Variants in RBFOX3 observed in about 807,000 individuals in gnomAD.
RBFOX3 encodes the protein RNA binding fox-1 homolog 3.
Under a neutral mutation model 48.7 loss-of-function variants are expected in RBFOX3, and 17 were observed. The observed-to-expected ratio is 0.35, with a 90% confidence interval of 0.24 to 0.52. The LOEUF is 0.52. RBFOX3 is among the 20% of genes least tolerant of loss of function. The probability of loss-of-function intolerance (pLI) is 0.94; values close to 1 mark genes in which losing one functional copy is unlikely to be tolerated. For missense variants in RBFOX3, 382 were observed against 497.5 expected, an observed-to-expected ratio of 0.77 and a Z score of 2.21; for synonymous variants, 212 against 209.5, an observed-to-expected ratio of 1.01 and a Z score of -0.10.
chr17:79,408,425 C>T lies in RBFOX3; in HGVS notation c.-175+74029G>A, dbSNP rs566374533. Among the ~76,000 whole-genome samples the T allele has an allele frequency of 7.9e-5, 12 of 152,286 alleles. No homozygotes were observed. In the South Asian group the frequency reaches 1.9e-3, roughly 24 times the overall value. ...AAGCAGAAAAGGCTGGAGCAACCAGCGGGCAATGAGATCTGAGCAGGATGG... is the reference window on the plus strand; with the variant it reads ...AAGCAGAAAAGGCTGGAGCAACCAGTGGGCAATGAGATCTGAGCAGGATGG... On this transcript the variant is annotated intron_variant, in intron 2 of 14. Coordinates refer to ENST00000693108, the MANE Select transcript of RBFOX3 (RefSeq NM_001350451.2).
chr17:79,656,348 T>C, the RBFOX3 span, among the ~76,000 whole-genome samples: 1 of 152,196 alleles, frequency 6.6e-6, no homozygotes, highest in African/African-American at 2.4e-5. Flanking sequence ...GCACGGTGGC[T>C]CACACCTGTA....
At chr17:79,487,785 C>G (rs1459946943) in intron 1 of RBFOX3, among the ~76,000 whole-genome samples, 1 of 151,844 alleles carries the variant, frequency 6.6e-6, no homozygotes, top group Non-Finnish European at 1.5e-5. Context: ...GTGGCAGGCG[C>G]CTGTAGTCCC....
chr17:79,090,579 C>T lies in RBFOX3; in HGVS notation c.*304G>A. ...CCCCCACGGGTCCCACAAGGGAGGC[C>T]CCTTCCCCTCCAACTCCCCCACTGC... is the stretch of plus-strand genomic sequence containing the variant. On this transcript the variant is annotated 3_prime_UTR_variant, in exon 15 of 15. Transcript: ENST00000693108. 1 of 410,442 alleles carries T rather than the reference C, an allele frequency of 2.4e-6. No individual in the cohort carries two copies. The highest frequency in any genetic ancestry group is 4.3e-6 in the Non-Finnish European group (1 of 230,220). The allele number at this position is 410,442 out of a possible 1,614,324, so 25.4% of individuals were successfully genotyped here.
At position 79,195,045 on chromosome 17, in the gene RBFOX3, A is replaced by G. The variant is rs6501287; in HGVS notation, c.-34+40721T>C. ...TGTCTTTCCGCTCAGCCCCACCGAC[A>G]TCAGCTCACTATCATCCCCATTGCC... is the stretch of plus-strand genomic sequence containing the variant. On this transcript the variant is annotated intron_variant, in intron 4 of 14. Transcript: ENST00000693108. The surrounding 1 kb of genome is among the most constrained non-coding windows in gnomAD (Gnocchi z 5.3). Among the ~76,000 whole-genome samples, 12,093 of 152,078 alleles carry G rather than the reference A, an allele frequency of 0.08. 545 individuals carry two copies. The highest frequency in any genetic ancestry group is 0.17 in the East Asian group (857 of 5,134).
At position 79,243,458 on chromosome 17, in the gene RBFOX3, C is replaced by T. The variant is rs1225536481; in HGVS notation, c.-73-7653G>A. On this transcript the variant is annotated intron_variant, in intron 3 of 14. Coordinates refer to ENST00000693108, the MANE Select transcript of RBFOX3 (RefSeq NM_001350451.2). This position sits in a 1 kb window ranked among gnomAD's most constrained non-coding sequence, Gnocchi z 7.9. ...AGTTGACTCTTCCAGCTGTGCTGGG[C>T]TTTGCAAAGCCCATGTGCCTTTGCC... 6.6e-6 allele frequency among the ~76,000 whole-genome samples: 1 copy of T among 152,210 alleles called. No individual in the cohort carries two copies. Among genetic ancestry groups the T allele is most frequent in the Non-Finnish European group, 1.5e-5 (1 of 68,048 alleles).
chr17:79,527,138 T>G (rs2086904677), intron 1 of RBFOX3, among the ~76,000 whole-genome samples: 1 of 152,246 alleles, frequency 6.6e-6, no homozygotes, highest in South Asian at 2.1e-4. Flanking sequence ...GGCACAGAAG[T>G]ACCTCCCTGT....
In RBFOX3 at chr17:79,356,120, T is replaced by A. The variant is rs2084937078; in HGVS notation, c.-174-48296A>T. Among the ~76,000 whole-genome samples the A allele has an allele frequency of 3.3e-5, 5 of 152,256 alleles. No homozygotes were observed. In the South Asian group the frequency reaches 1.0e-3, roughly 32 times the overall value. On this transcript the variant is annotated intron_variant, in intron 2 of 14. Transcript: ENST00000693108. The stretch of plus-strand genomic sequence containing the variant: ...CCAACTGAAGTCTAAGCTCAAGTGT[T>A]CTTGGCTCTTGACTTTTGGCAAGAA...
rs2031452915 is a variant in RBFOX3 at position 79,111,439 on chromosome 17, A to C, written c.222+4055T>G. Among the ~76,000 whole-genome samples, 1 of 151,910 alleles carries C rather than the reference A, an allele frequency of 6.6e-6. No homozygotes were observed. Among genetic ancestry groups the C allele is most frequent in the Non-Finnish European group, 1.5e-5 (1 of 67,952 alleles). ...CTGGCATTTTTTTTATCTGCGTGCT[A>C]ATCTCTCTCTCTTTTTCTCAGAGTT... is the stretch of plus-strand genomic sequence containing the variant. On this transcript the variant is annotated intron_variant, in intron 5 of 14. Coordinates refer to ENST00000693108, the MANE Select transcript of RBFOX3 (RefSeq NM_001350451.2). This position sits in a 1 kb window ranked among gnomAD's most constrained non-coding sequence, Gnocchi z 4.2.
chr17:79,295,473 G>T (rs1464062219), intron 3 of RBFOX3, among the ~76,000 whole-genome samples: 2 of 152,218 alleles, frequency 1.3e-5, no homozygotes, highest in South Asian at 4.1e-4. Flanking sequence ...GTGGGAGCCA[G>T]TTCCTTTCCA....
chr17:79,412,088 A>G (rs1211211865), intron 2 of RBFOX3, among the ~76,000 whole-genome samples: 1 of 151,732 alleles, frequency 6.6e-6, no homozygotes, highest in East Asian at 1.9e-4. Flanking sequence ...GCGTGTATAT[A>G]CGTATGTGGG....
At chr17:79,538,905 C>T (rs1374727779) in intron 1 of RBFOX3, among the ~76,000 whole-genome samples, 1 of 152,126 alleles carries the variant, frequency 6.6e-6, no homozygotes, top group Non-Finnish European at 1.5e-5. Context: ...GAAAACCACC[C>T]CATGGAAACA....
chr17:79,229,321 C>T (rs2060718137), intron 4 of RBFOX3, among the ~76,000 whole-genome samples: 1 of 146,760 alleles, frequency 6.8e-6, no homozygotes, highest in African/African-American at 2.5e-5. Context: ...CTTTGGGAGG[C>T]CGAGGAGGGC....
Position 79,517,883 on chromosome 17 carries a change from G to A in RBFOX3, c.-319-35285C>T, listed in dbSNP as rs1024099407. 2.3e-3 allele frequency among the ~76,000 whole-genome samples: 356 copies of A among 152,216 alleles called. 3 individuals carry two copies. The highest frequency in any genetic ancestry group is 8.1e-3 in the African/African-American group (336 of 41,524). On this transcript the variant is annotated intron_variant, in intron 1 of 14. Transcript: ENST00000693108. ...TTCCTGACTCAACACCAAAGCTCCC[G>A]GCAGATCCCTCACCTTCTTGAAAGC... is the stretch of plus-strand genomic sequence containing the variant.
intron 1 of RBFOX3, among the ~76,000 whole-genome samples, chr17:79,510,192 G>A (rs1329135205): frequency 6.6e-6 from 1 of 152,112 alleles, no homozygotes; most frequent in Non-Finnish European, 1.5e-5. Context: ...TGTCGACAGA[G>A]GTGCCACGGA....
At chr17:79,608,579 C>G (rs1183848462) in intron 1 of RBFOX3, among the ~76,000 whole-genome samples, 1 of 152,352 alleles carries the variant, frequency 6.6e-6, no homozygotes, top group South Asian at 2.1e-4. Context: ...CCCTGCCGCA[C>G]GCACGCAGCC....
intron 3 of RBFOX3, among the ~76,000 whole-genome samples, chr17:79,278,579 G>A (rs780845948): frequency 6.6e-6 from 1 of 152,232 alleles, no homozygotes; most frequent in Non-Finnish European, 1.5e-5. Context: ...TGTGCTGTGG[G>A]CGTGGCCTGT....
chr17:79,615,718 G>C (rs1409400549), upstream of RBFOX3, among the ~76,000 whole-genome samples: 1 of 152,088 alleles, frequency 6.6e-6, no homozygotes, highest in Non-Finnish European at 1.5e-5. Flanking sequence ...CATTTACTTT[G>C]ATCTACTCTT....
chr17:79,408,247 A>T (rs370537120), intron 2 of RBFOX3, among the ~76,000 whole-genome samples: 1 of 152,156 alleles, frequency 6.6e-6, no homozygotes, highest in East Asian at 1.9e-4. Context: ...TTACTAAATG[A>T]TCTCTCTCAT....
chr17:79,294,566 C>T (rs2073996432), intron 3 of RBFOX3, among the ~76,000 whole-genome samples: 1 of 152,156 alleles, frequency 6.6e-6, no homozygotes, highest in Non-Finnish European at 1.5e-5. Flanking sequence ...CCTGCCGCGA[C>T]TGGGATTATA....
Sources: gnomAD v4.1 joint callset for allele counts (sites outside exome capture counted in the v4.1 genomes callset) on GRCh38, gnomAD v4.1.1 for gene constraint, Gnocchi (gnomAD v3.1) non-coding constraint, MANE v1.5 for transcripts, NCBI Gene and HGNC (gene_info 2026-07-23, HGNC 2026-07-21) for gene names.